Variants in ATG7 observed in about 807,000 individuals in gnomAD.
ATG7 encodes the protein ubiquitin-like modifier-activating enzyme ATG7.
ATG7 carries 70 observed loss-of-function variants against 82.4 expected under a neutral mutation model. The ratio of observed to expected loss-of-function variants is 0.85; its 90% CI spans 0.70 to 1.04. The LOEUF is 1.04. Ranked by LOEUF, ATG7 falls within the 50% of genes least tolerant of loss-of-function variation. The pLI, the probability that ATG7 is intolerant of heterozygous loss-of-function variation, is 0.00. For synonymous variants in ATG7, 287 were observed against 313.0 expected (o/e 0.92, Z 0.88); for missense variants, 792 against 864.3 (o/e 0.92, Z 1.05).
intron 20 of ATG7, among the ~76,000 whole-genome samples, chr3:11,469,202 C>T (rs958345653): frequency 6.6e-6 from 1 of 152,198 alleles, no homozygotes; most frequent in Non-Finnish European, 1.5e-5. Flanking sequence ...GTAATCCCAG[C>T]ACTTTGGGAG....
intron 18 of ATG7, among the ~76,000 whole-genome samples, chr3:11,378,698 A>G (rs2077638811): frequency 6.6e-6 from 1 of 151,284 alleles, no homozygotes; most frequent in Non-Finnish European, 1.5e-5. Flanking sequence ...AAAAAAAAAA[A>G]AAAAAAAAAA....
chr3:11,524,261 C>T (rs2092516667), intron 20 of ATG7, among the ~76,000 whole-genome samples: 1 of 152,180 alleles, frequency 6.6e-6, no homozygotes, highest in African/African-American at 2.4e-5. Flanking sequence ...GAAGGCATTG[C>T]TTTCCAGCCA....
intron 20 of ATG7, among the ~76,000 whole-genome samples, chr3:11,533,528 C>T (rs543889874): frequency 5.6e-5 from 7 of 124,330 alleles, no homozygotes; most frequent in Admixed American, 8.7e-5. Context: ...AGAGAAAAAT[C>T]CCCCTTCTGT....
intron 19 of ATG7, among the ~76,000 whole-genome samples, chr3:11,389,984 T>C (rs1213746709): frequency 6.6e-6 from 1 of 152,242 alleles, no homozygotes; most frequent in Non-Finnish European, 1.5e-5. Flanking sequence ...CTTTGCATTT[T>C]CCTTTCTTTA....
intron 19 of ATG7, among the ~76,000 whole-genome samples, chr3:11,422,637 C>T (rs1031205591): frequency 6.6e-5 from 10 of 151,524 alleles, no homozygotes; most frequent in African/African-American, 2.2e-4. Flanking sequence ...TAGAACTTTC[C>T]CTTGGCATTA....
intron 3 of ATG7, among the ~76,000 whole-genome samples, chr3:11,287,482 G>GT (rs1324391041): frequency 1.3e-5 from 2 of 152,230 alleles, no homozygotes; most frequent in Non-Finnish European, 2.9e-5. Context: ...GAGGTGAGGA[G>GT]TGACAGGGCC....
chr3:11,340,351 T>A (rs1297945629), intron 11 of ATG7, among the ~76,000 whole-genome samples: 1 of 151,988 alleles, frequency 6.6e-6, no homozygotes, highest in Non-Finnish European at 1.5e-5. Context: ...CAGTGAAAGT[T>A]GAGCCACCTT....
chr3:11,415,668 C>G (rs1278219875), intron 19 of ATG7, among the ~76,000 whole-genome samples: 2 of 152,070 alleles, frequency 1.3e-5, no homozygotes, highest in Admixed American at 1.3e-4. Flanking sequence ...ACCTCTACAT[C>G]GTGACCCACT....
chr3:11,378,706 A>AAAAAAAAAAAAC (rs1559501467), intron 18 of ATG7, among the ~76,000 whole-genome samples: 15 of 150,086 alleles, frequency 1.0e-4, no homozygotes, highest in African/African-American at 3.7e-4. Flanking sequence ...AAAAAAAAAA[A>AAAAAAAAAAAAC]AAATTGCTGT....
intron 20 of ATG7, among the ~76,000 whole-genome samples, chr3:11,508,335 T>TA (rs11324728): frequency 7.4e-4 from 107 of 144,946 alleles, no homozygotes; most frequent in Non-Finnish European, 6.0e-4. Context: ...CTGATGAGCT[T>TA]AAAAAAAAAA....
intron 19 of ATG7, among the ~76,000 whole-genome samples, chr3:11,407,085 T>C (rs2080415430): frequency 6.6e-6 from 1 of 152,354 alleles, no homozygotes; most frequent in Non-Finnish European, 1.5e-5. Context: ...TATGAGCCTA[T>C]ATAAATCAAA....
chr3:11,493,006 C>G (rs940350136), intron 20 of ATG7, among the ~76,000 whole-genome samples: 1 of 152,254 alleles, frequency 6.6e-6, no homozygotes, highest in African/African-American at 2.4e-5. Context: ...CAGATGCCCT[C>G]CACCAGCAAG....
rs1213536594 is a variant in ATG7, at chr3:11,488,354, G to A, written c.2079+61428G>A. 2.3e-4 allele frequency: 171 copies of A among 735,944 alleles called. 1 individual carries two copies. Among genetic ancestry groups the A allele is most frequent in the Middle Eastern group, 1.6e-3 (3 of 1,904 alleles). The allele number at this position is 735,944 out of a possible 1,614,324, so 45.6% of individuals were successfully genotyped here. A position where few individuals can be genotyped will look rare whatever the true frequency, so the allele number is the denominator to read the frequency against. ...TCCGCTCCTCCAGCCGCTGCCTCCC[G>A]GGCGGCACTCGCCGGCGCGGCGGCA... On this transcript the variant is annotated intron_variant, in intron 20 of 20. Transcript: ENST00000693202.
intron 18 of ATG7, among the ~76,000 whole-genome samples, chr3:11,378,373 C>A (rs2077593155): frequency 6.6e-6 from 1 of 150,940 alleles, no homozygotes; most frequent in African/African-American, 2.4e-5. Context: ...AATCCGAGAT[C>A]AAGTGTTTGA....
At chr3:11,496,928 C>T (rs1048332047) in intron 20 of ATG7, among the ~76,000 whole-genome samples, 1 of 151,426 alleles carries the variant, frequency 6.6e-6, no homozygotes, top group Admixed American at 6.6e-5. Flanking sequence ...GGTGTGATCT[C>T]GGCTCACTGC....
intron 9 of ATG7, among the ~76,000 whole-genome samples, chr3:11,327,822 C>G (rs1951089608): frequency 6.6e-6 from 1 of 152,158 alleles, no homozygotes; most frequent in South Asian, 2.1e-4. Context: ...GTGTATGAAT[C>G]ACCTGGGTTC....
intron 14 of ATG7, among the ~76,000 whole-genome samples, chr3:11,353,065 G>A (rs557844136): frequency 2.0e-5 from 3 of 152,342 alleles, no homozygotes; most frequent in South Asian, 2.1e-4. Flanking sequence ...TTAAGTTATT[G>A]CAAGATTCTA....
At chr3:11,531,052 A>G (rs993368666) in intron 20 of ATG7, among the ~76,000 whole-genome samples, 1 of 152,122 alleles carries the variant, frequency 6.6e-6, no homozygotes, top group East Asian at 1.9e-4. Flanking sequence ...TCTGCTCACC[A>G]CAGGACTATG....
At chr3:11,305,864 G>C (rs1171406705) in intron 5 of ATG7, among the ~76,000 whole-genome samples, 1 of 152,120 alleles carries the variant, frequency 6.6e-6, no homozygotes, top group Non-Finnish European at 1.5e-5. Context: ...AATTTTACAT[G>C]GACTTTAAAT....
Sources: allele counts gnomAD v4.1 joint callset (sites outside exome capture counted in the v4.1 genomes callset), GRCh38; gene constraint gnomAD v4.1.1; transcripts MANE v1.5; gene names NCBI Gene and HGNC (gene_info 2026-07-23, HGNC 2026-07-21).